MTDH: variants seen among roughly 807,000 people sequenced by gnomAD.
MTDH encodes the protein protein LYRIC.
Under a neutral mutation model 72.7 loss-of-function variants are expected in MTDH, and 34 were observed. That is an observed-to-expected ratio of 0.47 (90% CI 0.36 to 0.62). The LOEUF is 0.62. Ranked by LOEUF, MTDH falls within the 20% of genes least tolerant of loss-of-function variation. The probability of loss-of-function intolerance (pLI) is 0.00; values close to 1 mark genes in which losing one functional copy is unlikely to be tolerated. For synonymous variants in MTDH, 266 were observed against 268.9 expected (o/e 0.99, Z 0.10); for missense variants, 677 against 699.4 (o/e 0.97, Z 0.36).
chr8:97,721,887 C>T (rs1270823051), intron 10 of MTDH, among the ~76,000 whole-genome samples: 1 of 152,168 alleles, frequency 6.6e-6, no homozygotes, highest in African/African-American at 2.4e-5. Context: ...TGAGTGTTAC[C>T]AGTTGCTTGA....
At chr8:97,707,517 C>T (rs1011876881) in intron 8 of MTDH, among the ~76,000 whole-genome samples, 2 of 148,898 alleles carry the variant, frequency 1.3e-5, no homozygotes, top group African/African-American at 2.5e-5. Flanking sequence ...ACCCTCCTGC[C>T]TCAGCCTCTC....
At position 97,727,453 on chromosome 8, in the gene MTDH, C is replaced by G. The variant is rs1333596411; in HGVS notation, c.*2783C>G. 6.8e-6 allele frequency: 1 copy of G among 147,172 alleles called. No individual in the cohort carries two copies. Among genetic ancestry groups the G allele is most frequent in the Non-Finnish European group, 1.5e-5 (1 of 67,608 alleles). 9.1% of individuals were successfully genotyped at this position (147,172 alleles called of 1,614,324 possible). ...GGTGGAGGTTGCAGTGAGCTGAGAT[C>G]GCACCACTGCACTCCAGCATGAAAG... On this transcript the variant is annotated 3_prime_UTR_variant, in exon 12 of 12. Transcript: ENST00000336273.
intron 2 of MTDH, among the ~76,000 whole-genome samples, chr8:97,674,327 G>C (rs1416405318): frequency 6.6e-6 from 1 of 152,212 alleles, no homozygotes; most frequent in Non-Finnish European, 1.5e-5. Flanking sequence ...CCACCAAAAG[G>C]GGGGAAATCA....
chr8:97,661,467 A>G (rs929527753), intron 2 of MTDH, among the ~76,000 whole-genome samples: 4 of 152,222 alleles, frequency 2.6e-5, no homozygotes, highest in African/African-American at 7.2e-5. Flanking sequence ...TTTCAGATAT[A>G]TAACATATAT....
At chr8:97,649,659 A>G (rs1428153560) in intron 1 of MTDH, among the ~76,000 whole-genome samples, 1 of 152,170 alleles carries the variant, frequency 6.6e-6, no homozygotes, top group Non-Finnish European at 1.5e-5. Context: ...GCTGGAGTGC[A>G]GTGGTGTGAA....
In MTDH at chr8:97,724,667, G is replaced by A. The variant is rs764938570; in HGVS notation, c.1746G>A (p.Thr582=). 5.5e-5 allele frequency: 88 copies of A among 1,592,280 alleles called. No individual in the cohort carries two copies. Among genetic ancestry groups the A allele is most frequent in the South Asian group, 1.4e-4 (12 of 85,980 alleles). ...IKKKKKARRE[T] ...AGAAGAAAAAAGCCAGACGAGAAAC[G>A]TGAAATTTTTTTTCCTGAATTGGAC... The change falls in exon 12 of 12, where the codon ACG becomes ACA. Residue 582 remains threonine (T), a synonymous_variant. Transcript: ENST00000336273.
chr8:97,653,030 A>C (rs939537813), intron 1 of MTDH, among the ~76,000 whole-genome samples: 16 of 152,062 alleles, frequency 1.1e-4, no homozygotes, highest in Non-Finnish European at 7.4e-5. Flanking sequence ...GAGACAGGGG[A>C]ATCGCTTGAA....
intron 9 of MTDH, among the ~76,000 whole-genome samples, chr8:97,718,804 C>T (rs1369752043): frequency 6.6e-6 from 1 of 151,776 alleles, no homozygotes; most frequent in Non-Finnish European, 1.5e-5. Context: ...TCAAGTAGTC[C>T]TCCCTGCTCA....
At chr8:97,711,531 C>T (rs1264096408) in intron 8 of MTDH, among the ~76,000 whole-genome samples, 2 of 151,796 alleles carry the variant, frequency 1.3e-5, no homozygotes, top group Non-Finnish European at 2.9e-5. Context: ...AGAGTGATCC[C>T]CTGTACCCCT....
In MTDH at chr8:97,644,545, G is replaced by A. The variant is rs1223456888; in HGVS notation, c.39G>A (p.Gln13=). 2 of 1,599,884 alleles carry A rather than the reference G, an allele frequency of 1.3e-6. No homozygotes were observed. Among genetic ancestry groups the A allele is most frequent in the Middle Eastern group, 3.7e-4 (2 of 5,452 alleles). The change falls in exon 1 of 12, where the codon CAG becomes CAA. Residue 13 remains glutamine (Q), a synonymous_variant. Coordinates refer to ENST00000336273, the MANE Select transcript of MTDH (RefSeq NM_178812.4). The stretch of plus-strand genomic sequence containing the variant: ...GCTGGCAGGACGAGCTGGCCCAGCA[G>A]GCCGAGGAGGGCTCGGCCCGGCTGC... ...ARSWQDELAQ[Q]AEEGSARLRE... is the part of the protein sequence containing the mutation.
At chr8:97,712,820 T>C (rs1345220263) in intron 8 of MTDH, among the ~76,000 whole-genome samples, 1 of 152,228 alleles carries the variant, frequency 6.6e-6, no homozygotes, top group Non-Finnish European at 1.5e-5. Context: ...CATCTGTGCA[T>C]GTTCTTGGGT....
chr8:97,684,667 A>G (rs1417832181), intron 2 of MTDH, among the ~76,000 whole-genome samples: 1 of 152,214 alleles, frequency 6.6e-6, no homozygotes, highest in African/African-American at 2.4e-5. Flanking sequence ...ACCTTTACTT[A>G]AGAGCGGCTA....
chr8:97,681,268 C>G (rs1386160171), intron 2 of MTDH, among the ~76,000 whole-genome samples: 2 of 151,974 alleles, frequency 1.3e-5, no homozygotes, highest in East Asian at 3.9e-4. Flanking sequence ...CAGGAATGTT[C>G]AAAGAGGTAC....
Position 97,728,704 on chromosome 8 carries a change from T to G in MTDH, c.*4034T>G, listed in dbSNP as rs1815446800. 1 of 149,582 alleles carries G rather than the reference T, an allele frequency of 6.7e-6. No individual in the cohort carries two copies. Among genetic ancestry groups the G allele is most frequent in the Non-Finnish European group, 1.5e-5 (1 of 67,762 alleles). 9.3% of individuals were successfully genotyped at this position (149,582 alleles called of 1,614,324 possible). On this transcript the variant is annotated 3_prime_UTR_variant, in exon 12 of 12. Coordinates refer to ENST00000336273, the MANE Select transcript of MTDH (RefSeq NM_178812.4). ...TGGGAGGCCAACGCGGGAGGATTGT[T>G]TGAGCCCAGGAGTTTGAAACCATCC...
In MTDH at chr8:97,686,551, A is replaced by G. The variant is rs976069967; in HGVS notation, c.484-117A>G. ...CCACTTAATATGTTAAGTTTTTTAA[A>G]TCAAACATTAATTTTTTTTTAGTTG... On this transcript the variant is annotated intron_variant, in intron 2 of 11. Coordinates refer to ENST00000336273, the MANE Select transcript of MTDH (RefSeq NM_178812.4). The G allele has an allele frequency of 3.3e-5, 17 of 513,392 alleles. No homozygotes were observed. The African/African-American group carries it at 3.4e-4, about 10-fold the overall frequency. 31.8% of individuals were successfully genotyped at this position (513,392 alleles called of 1,614,324 possible). A position where few individuals can be genotyped will look rare whatever the true frequency, so the allele number is the denominator to read the frequency against.
intron 4 of MTDH, among the ~76,000 whole-genome samples, chr8:97,687,908 T>C (rs1447804691): frequency 6.6e-6 from 1 of 152,214 alleles, no homozygotes; most frequent in African/African-American, 2.4e-5. Flanking sequence ...CTCCCTTGCA[T>C]CTCTGTTCCT....
In MTDH at chr8:97,680,168, G is replaced by A. The variant is rs1376125224; in HGVS notation, c.484-6500G>A. On this transcript the variant is annotated intron_variant, in intron 2 of 11. Transcript: ENST00000336273. ...GCTCACTGCAACCTCGACCTCCTGG[G>A]CTCAAGTGATCCTCCCACCTCAGTC... is the stretch of plus-strand genomic sequence containing the variant. 3.9e-5 allele frequency among the ~76,000 whole-genome samples: 6 copies of A among 152,226 alleles called. No homozygotes were observed. The East Asian group carries it at 1.2e-3, about 29-fold the overall frequency.
At chr8:97,670,098 T>A (rs1812552526) in intron 2 of MTDH, among the ~76,000 whole-genome samples, 1 of 152,156 alleles carries the variant, frequency 6.6e-6, no homozygotes, top group Non-Finnish European at 1.5e-5. Flanking sequence ...GTGGATCACT[T>A]GAGGCCAAGA....
intron 2 of MTDH, among the ~76,000 whole-genome samples, chr8:97,682,792 G>T (rs991163707): frequency 6.6e-6 from 1 of 151,758 alleles, no homozygotes; most frequent in African/African-American, 2.4e-5. Flanking sequence ...GTCGTTAACA[G>T]ACTCTTTTCA....
Sources: gnomAD v4.1 joint callset for allele counts (sites outside exome capture counted in the v4.1 genomes callset) on GRCh38, gnomAD v4.1.1 for gene constraint, MANE v1.5 for transcripts, NCBI Gene and HGNC (gene_info 2026-07-23, HGNC 2026-07-21) for gene names.